ABCB8: variants seen among roughly 807,000 people sequenced by gnomAD.
ABCB8 encodes the protein ATP binding cassette subfamily B member 8, also known as mitochondrial potassium channel ATP-binding subunit.
In ABCB8, 52 loss-of-function variants were observed where a neutral mutation model predicts 73.0. That is an observed-to-expected ratio of 0.71 (90% confidence interval 0.57 to 0.90). The LOEUF is 0.90. Among genes scored for constraint, ABCB8 ranks in the 40% least tolerant of loss-of-function variants. The pLI is 0.00. For missense variants in ABCB8, 909 were observed against 974.6 expected (o/e 0.93, Z 0.90); for synonymous variants, 428 against 423.5 (o/e 1.01, Z -0.13).
chr7:151,047,745 G>T lies in ABCB8; in HGVS notation c.*2396G>T, dbSNP rs1796653519. 1 of 152,258 alleles carries T rather than the reference G, an allele frequency of 6.6e-6. No homozygotes were observed. Among genetic ancestry groups the T allele is most frequent in the Admixed American group, 6.5e-5 (1 of 15,288 alleles). The allele number at this position is 152,258 out of a possible 1,614,324, so 9.4% of individuals were successfully genotyped here. ...CTGGACACCCCCAGTGCCCATCAGT[G>T]GGGGAGTCATTAAATAAACTATGGT... is the stretch of plus-strand genomic sequence containing the variant. On this transcript the variant is annotated 3_prime_UTR_variant, in exon 16 of 16. Coordinates refer to ENST00000358849, the MANE Select transcript of ABCB8 (RefSeq NM_007188.5).
At chr7:151,035,550 G>A (rs756381592) in intron 5 of ABCB8, 31 bp from the exon 6 acceptor site, 3 of 1,563,194 alleles carry the variant, frequency 1.9e-6, no homozygotes, top group Middle Eastern at 2.0e-4. Flanking sequence ...TGCGGACGCC[G>A]TAGCCTCCCG....
At chr7:151,033,995 TG>T (rs746386599) in intron 2 of ABCB8, 78 bp downstream of exon 2, 21 of 1,469,210 alleles carry the variant, frequency 1.4e-5, no homozygotes, top group Non-Finnish European at 1.8e-5. Context: ...CCTGCCTCGC[TG>T]CCTCTCAGGG....
rs762560691 is a variant in ABCB8 at position 151,044,206 on chromosome 7, T to C, written c.2001T>C (p.Asp667=). 1.8e-5 allele frequency: 29 copies of C among 1,599,796 alleles called. No individual in the cohort carries two copies. The highest frequency in any genetic ancestry group is 1.5e-4 in the Admixed American group (9 of 59,792). Reference sequence around the variant, plus strand: ...CCCACTGCATTGTCGTCATGGCCGATGGCCGTGTCTGGGAGGTTAGTTGTC... The same window carrying C: ...CCCACTGCATTGTCGTCATGGCCGACGGCCGTGTCTGGGAGGTTAGTTGTC... ...RGAHCIVVMA[D]GRVWEAGTHE... The change falls in exon 15 of 16, where the codon GAT becomes GAC. Residue 667 remains aspartate, a synonymous_variant. Transcript: ENST00000358849.
Position 151,036,134 on chromosome 7 carries a change from G to A in ABCB8, c.1075G>A (p.Ala359Thr), listed in dbSNP as rs771448001. Residue 359 changes from alanine to threonine, a missense_variant, in exon 8 of 16, where the codon GCC (alanine) becomes ACC (threonine). Transcript: ENST00000358849. ...CRAEELGRGIALFQGLSNIAF... is the reference protein window; with the variant it reads ...CRAEELGRGITLFQGLSNIAF... ...GGCAGAGGAGCTGGGCCGCGGCATC[G>A]CCTTGTTCCAAGGGCTTTCCAACAT... 1.6e-5 allele frequency: 26 copies of A among 1,613,138 alleles called. No homozygotes were observed. Among genetic ancestry groups the A allele is most frequent in the Non-Finnish European group, 1.9e-5 (23 of 1,179,822 alleles).
chr7:151,033,569 G>T, intron 1 of ABCB8, 36 bp from the exon 2 acceptor site: 1 of 1,521,484 alleles, frequency 6.6e-7, no homozygotes, highest in South Asian at 1.3e-5. Context: ...AGGGCAGTCG[G>T]AGCCTCAAGC....
At position 151,047,283 on chromosome 7, in the gene ABCB8, C is replaced by T. The variant is rs1796637541; in HGVS notation, c.*1934C>T. On this transcript the variant is annotated 3_prime_UTR_variant, in exon 16 of 16. Transcript: ENST00000358849. ...AAGAGCTAGACCGCAGGAGCCGCGC[C>T]GTCTTCCTAACCTCGCCTCGGCCTT... 1 of 69,014 alleles carries T rather than the reference C, an allele frequency of 1.4e-5. No homozygotes were observed. The highest frequency in any genetic ancestry group is 3.2e-5 in the Non-Finnish European group (1 of 30,782). 4.3% of individuals were successfully genotyped at this position (69,014 alleles called of 1,614,324 possible).
intron 9 of ABCB8, chr7:151,037,452 TG>T (rs1246321258): frequency 4.6e-6 from 3 of 654,628 alleles, no homozygotes; most frequent in Non-Finnish European, 8.4e-6. Context: ...GCTGAGCCTC[TG>T]GGATGACCAG....
chr7:151,040,189 C>G lies in ABCB8; in HGVS notation c.1218-79C>G, dbSNP rs559664493. ...CAGGCCACCTGCTTCCTTGCTCCCC[C>G]GCCCCACCGTGGCTTCCTTCCCCTC... On this transcript the variant is annotated intron_variant, in intron 9 of 15. Coordinates refer to ENST00000358849, the MANE Select transcript of ABCB8 (RefSeq NM_007188.5). 1.3e-3 allele frequency: 2,012 copies of G among 1,535,550 alleles called. 22 individuals carry two copies. Among genetic ancestry groups the G allele is most frequent in the Non-Finnish European group, 2.8e-4 (315 of 1,131,898 alleles).
rs778855684 is a variant in ABCB8 at position 151,044,174 on chromosome 7, C to T, written c.1969C>T (p.Arg657Cys). The T allele has an allele frequency of 6.2e-6, 10 of 1,609,362 alleles. No individual in the cohort carries two copies. In the African/African-American group the frequency reaches 6.7e-5, roughly 11 times the overall value. ...LVIAHRLSTVRGAHCIVVMAD... is the reference protein window; with the variant it reads ...LVIAHRLSTVCGAHCIVVMAD... ...AATTGCCCACCGGCTCAGCACTGTCCGTGGGGCCCACTGCATTGTCGTCAT... is the reference window on the plus strand; with the variant it reads ...AATTGCCCACCGGCTCAGCACTGTCTGTGGGGCCCACTGCATTGTCGTCAT... Residue 657 changes from arginine (R) to cysteine (C), a missense_variant, in exon 15 of 16, where the codon CGT (arginine) becomes TGT (cysteine). Arg to Cys is a radical substitution (Grantham distance 180). Transcript: ENST00000358849.
Position 151,040,841 on chromosome 7 carries a change from C to T in ABCB8, c.1402C>T (p.Pro468Ser), listed in dbSNP as rs762412596. ...GGCTCCTCCCAGCTACCCCTGCCGC[C>T]CCGGCTTCGAGGTGCTGAAAGACTT... ...QNVCFSYPCR[P>S]GFEVLKDFTL... is the part of the protein sequence containing the mutation. The change falls in exon 12 of 16, where the codon CCC (proline) becomes TCC (serine). Residue 468 changes from proline (P) to serine (S), a missense_variant. Coordinates refer to ENST00000358849, the MANE Select transcript of ABCB8 (RefSeq NM_007188.5). The T allele has an allele frequency of 1.3e-6, 2 of 1,595,968 alleles. No homozygotes were observed. The highest frequency in any genetic ancestry group is 1.7e-5 in the Admixed American group (1 of 57,692).
chr7:151,036,739 G>A lies in ABCB8; in HGVS notation c.1217+90G>A, dbSNP rs528359809. 76 of 1,123,296 alleles carry A rather than the reference G, an allele frequency of 6.8e-5. 2 individuals are homozygous for A. The South Asian group carries it at 9.1e-4, about 13-fold the overall frequency. 69.6% of individuals were successfully genotyped at this position (1,123,296 alleles called of 1,614,324 possible). On this transcript the variant is annotated intron_variant, in intron 9 of 15. Coordinates refer to ENST00000358849, the MANE Select transcript of ABCB8 (RefSeq NM_007188.5). Reference sequence around the variant, plus strand: ...GGGGACACGGGTGCCAGCCTTCTCTGGGGGCCGACTGCTGTGCAGCTCCAG... The same window carrying A: ...GGGGACACGGGTGCCAGCCTTCTCTAGGGGCCGACTGCTGTGCAGCTCCAG...
At position 151,035,595 on chromosome 7, in the gene ABCB8, C is replaced by T. The variant is rs753747262; in HGVS notation, c.780C>T (p.Cys260=). 3.3e-5 allele frequency: 53 copies of T among 1,600,844 alleles called. No individual in the cohort carries two copies. Among genetic ancestry groups the T allele is most frequent in the Non-Finnish European group, 4.3e-5 (50 of 1,170,522 alleles). The change falls in exon 6 of 16, where the codon TGC becomes TGT. Residue 260 remains cysteine (C), a synonymous_variant. Coordinates refer to ENST00000358849, the MANE Select transcript of ABCB8 (RefSeq NM_007188.5). ...KLVISQGLRS[C]TQVAGCLVSL... The stretch of plus-strand genomic sequence containing the variant: ...CCACTCCCTAGGGGCTGCGAAGCTG[C>T]ACCCAGGTGGCAGGCTGCCTGGTGT...
At chr7:151,034,980 A>G in intron 5 of ABCB8, 151 bp downstream of exon 5, 1 of 684,160 alleles carries the variant, frequency 1.5e-6, no homozygotes, top group Non-Finnish European at 2.5e-6. Flanking sequence ...TGGGTGAGGG[A>G]CCATGGAAGT....
intron 1 of ABCB8, 179 bp from the exon 2 acceptor site, chr7:151,033,426 C>G (rs1796217417): frequency 7.2e-7 from 1 of 1,398,598 alleles, no homozygotes; most frequent in African/African-American, 1.4e-5. Context: ...GCGACTTTGC[C>G]CATGGACATG....
intron 13 of ABCB8, 77 bp from the exon 14 acceptor site, chr7:151,041,884 T>C (rs1180111223): frequency 4.6e-6 from 7 of 1,525,966 alleles, no homozygotes; most frequent in Non-Finnish European, 6.3e-6. Context: ...TGTCCCATTG[T>C]GTATGGTGGC....
chr7:151,040,979 G>T, intron 12 of ABCB8, 57 bp downstream of exon 12: 1 of 1,605,454 alleles, frequency 6.2e-7, no homozygotes, highest in Admixed American at 1.7e-5. Flanking sequence ...GCCACTCAGA[G>T]CAAGGCCGGG....
chr7:151,028,875 C>T lies in ABCB8; in HGVS notation c.95+265C>T, dbSNP rs371063717. 1.4e-4 allele frequency: 211 copies of T among 1,519,428 alleles called. 2 individuals carry two copies. In the Middle Eastern group the frequency reaches 3.0e-3, roughly 21 times the overall value. The allele number at this position is 1,519,428 out of a possible 1,614,324, so 94.1% of individuals were successfully genotyped here. A position where few individuals can be genotyped will look rare whatever the true frequency, so the allele number is the denominator to read the frequency against. On this transcript the variant is annotated intron_variant, in intron 1 of 15. Transcript: ENST00000358849. ...GGGGTCAGTGACCACGCCCAGTCCG[C>T]ACTCCCGACCGGGGGTCCCCTTTCC... is the stretch of plus-strand genomic sequence containing the variant.
chr7:151,043,990 G>T lies in ABCB8; in HGVS notation c.1785G>T (p.Leu595=). 1.2e-6 allele frequency: 2 copies of T among 1,612,600 alleles called. No individual in the cohort carries two copies. Among genetic ancestry groups the T allele is most frequent in the Non-Finnish European group, 1.7e-6 (2 of 1,179,682 alleles). ...NTVVGERGTT[L]SGGQKQRLAI... is the part of the protein sequence containing the mutation. The stretch of plus-strand genomic sequence containing the variant: ...TCCCAGGTGAACGGGGCACTACCCT[G>T]TCTGGGGGCCAGAAGCAGCGCCTGG... Residue 595 remains leucine, a synonymous_variant, in exon 15 of 16, where the codon CTG becomes CTT. Transcript: ENST00000358849.
intron 9 of ABCB8, chr7:151,037,109 C>T (rs77329175): frequency 0.065 from 45,257 of 701,106 alleles, 2,146 homozygotes; most frequent in African/African-American, 0.2. Context: ...CCCATTTGCC[C>T]TCCCCCAGCC....
Sources: allele counts gnomAD v4.1 joint callset, GRCh38; gene constraint gnomAD v4.1.1; transcripts MANE v1.5; gene names NCBI Gene and HGNC (gene_info 2026-07-23, HGNC 2026-07-21).